FUS: variants seen among roughly 807,000 people sequenced by gnomAD.
The protein encoded by FUS is RNA-binding protein FUS.
A neutral mutation model predicts 82.7 loss-of-function variants in FUS; 5 were observed. That is an observed-to-expected ratio of 0.06 (90% CI 0.03 to 0.13). The LOEUF (loss-of-function observed/expected upper bound fraction) is 0.13, where lower values mean the gene tolerates loss of function less well. FUS is among the 10% of genes least tolerant of loss of function. The pLI, the probability that FUS is intolerant of heterozygous loss-of-function variation, is 1.00. For missense variants in FUS, 512 were observed against 707.8 expected (o/e 0.72, Z 3.14); for synonymous variants, 281 against 247.4 (o/e 1.14, Z -1.27).
chr16:31,188,431 A>G (rs2079304038), intron 8 of FUS, 74 bp downstream of exon 8: 7 of 1,519,746 alleles, frequency 4.6e-6, no homozygotes, highest in Non-Finnish European at 6.4e-6. Context: ...CTTTGAAACT[A>G]TTATAAAAAG....
At position 31,184,310 on chromosome 16, in the gene FUS, A is replaced by G. The variant is rs746588553; in HGVS notation, c.437A>G (p.Gln146Arg). Residue 146 changes from glutamine (Q) to arginine (R), a missense_variant, in exon 5 of 15, where the codon CAG (glutamine) becomes CGG (arginine). Gln to Arg is a conservative substitution (Grantham distance 43, BLOSUM62 1). Transcript: ENST00000254108. ...YGGQQQSYGQQQSYNPPQGYG... is the reference protein window; with the variant it reads ...YGGQQQSYGQRQSYNPPQGYG... ...GGACAGCAGCAAAGCTATGGACAGC[A>G]GCAAAGCTATAATCCCCCTCAGGGC... is the stretch of plus-strand genomic sequence containing the variant. 6.2e-7 allele frequency: 1 copy of G among 1,614,150 alleles called. No homozygotes were observed. The highest frequency in any genetic ancestry group is 1.1e-5 in the South Asian group (1 of 91,082).
At chr16:31,188,442 G>A in intron 8 of FUS, 85 bp downstream of exon 8, 25 of 1,447,394 alleles carry the variant, frequency 1.7e-5, no homozygotes, top group Middle Eastern at 1.8e-4. Flanking sequence ...TTATAAAAAG[G>A]AAACTGAAAA....
downstream of FUS, chr16:31,193,329 C>G: frequency 1.9e-6 from 1 of 523,140 alleles, no homozygotes; most frequent in South Asian, 1.5e-5. Context: ...AGTGGGCCTT[C>G]CCAGGCATTG....
intron 5 of FUS, 97 bp from the exon 6 acceptor site, chr16:31,184,842 T>G: frequency 8.0e-7 from 1 of 1,249,700 alleles, no homozygotes; most frequent in Non-Finnish European, 1.2e-6. Flanking sequence ...TCTTTTGTCC[T>G]TCATTGCCTG....
chr16:31,182,249 C>T (rs749241059), intron 1 of FUS, 149 bp from the exon 2 acceptor site: 2 of 942,032 alleles, frequency 2.1e-6, no homozygotes, highest in African/African-American at 3.3e-5. Context: ...CCTCGGCCTC[C>T]CAAACTGCTG....
In FUS at chr16:31,190,005, ATT is replaced by A. The variant is rs1462904241; in HGVS notation, c.1067-33_1067-32del. 2.5e-6 allele frequency: 4 copies of A among 1,587,344 alleles called. No homozygotes were observed. The Middle Eastern group carries it at 6.8e-4, about 272-fold the overall frequency. On this transcript the variant is annotated intron_variant, in intron 10 of 14. Transcript: ENST00000254108. ...GTATTTTCGGATTAATGTGTCTTGC[ATT>A]TAAAGTCTGTTGATGATTTTTTGTT...
chr16:31,188,174 T>G (rs1483753533), intron 7 of FUS, 151 bp from the exon 8 acceptor site: 5 of 798,720 alleles, frequency 6.3e-6, no homozygotes, highest in Non-Finnish European at 1.0e-5. Flanking sequence ...CAGGAAAGGG[T>G]TTGGAGTGAG....
At chr16:31,184,572 T>C (rs2079233556) in intron 5 of FUS, among the ~76,000 whole-genome samples, 176 bp downstream of exon 5, 1 of 151,766 alleles carries the variant, frequency 6.6e-6, no homozygotes, top group South Asian at 2.1e-4. Flanking sequence ...GCCTCCCGAG[T>C]AGCTGGGACT....
At chr16:31,184,821 TC>T (rs2079238350) in intron 5 of FUS, 117 bp from the exon 6 acceptor site, 7 of 489,124 alleles carry the variant, frequency 1.4e-5, no homozygotes, top group Admixed American at 4.8e-5. Context: ...TTCCTAGCTG[TC>T]TTTTTACTTT....
At chr16:31,190,469 G>C in intron 12 of FUS, 71 bp downstream of exon 12, 1 of 1,605,690 alleles carries the variant, frequency 6.2e-7, no homozygotes, top group East Asian at 2.2e-5. Flanking sequence ...ACTGAGGTAT[G>C]TGCGTGTTTT....
In FUS at chr16:31,180,223, A is replaced by G. The variant is rs890291931; in HGVS notation, c.9A>G (p.Ser3=). MA[S]NDYTQQATQS... is the part of the protein sequence containing the mutation. The stretch of plus-strand genomic sequence containing the variant: ...TGCGCGCGTGCGCGGACATGGCCTC[A>G]AACGGTAGGTAAGGGCGCGAGGCGA... Residue 3 remains serine (S), a synonymous_variant, in exon 1 of 15, where the codon TCA becomes TCG. Coordinates refer to ENST00000254108, the MANE Select transcript of FUS (RefSeq NM_004960.4). The G allele has an allele frequency of 4.3e-6, 7 of 1,611,006 alleles. No homozygotes were observed. The highest frequency in any genetic ancestry group is 5.9e-6 in the Non-Finnish European group (7 of 1,178,738).
At chr16:31,194,548 G>A (rs1299289075), downstream of FUS, 2 of 498,850 alleles carry the variant, frequency 4.0e-6, no homozygotes, top group East Asian at 4.5e-5. Context: ...TCAAGTGATT[G>A]TCCCACTTTG....
chr16:31,186,542 AT>A, intron 6 of FUS: 14 of 554,896 alleles, frequency 2.5e-5, no homozygotes, highest in African/African-American at 3.8e-5. Flanking sequence ...AAAATGGGTT[AT>A]TTTTTTTCCA....
intron 8 of FUS, chr16:31,188,781 T>C: frequency 2.1e-6 from 1 of 468,504 alleles, no homozygotes; most frequent in Non-Finnish European, 3.8e-6. Flanking sequence ...TAGATTTGAA[T>C]GTAAAATGGG....
At chr16:31,185,280 T>C (rs2079251152) in intron 6 of FUS, 101 bp downstream of exon 6, 1 of 1,362,082 alleles carries the variant, frequency 7.3e-7, no homozygotes, top group Non-Finnish European at 9.9e-7. Flanking sequence ...AGTATTCTTG[T>C]TGTCTAGGGA....
At chr16:31,192,432 C>T, downstream of FUS, 2 of 523,142 alleles carry the variant, frequency 3.8e-6, no homozygotes, top group Non-Finnish European at 7.4e-6. Flanking sequence ...CAGAGCGTAA[C>T]ATTAACCCAA....
intron 1 of FUS, among the ~76,000 whole-genome samples, chr16:31,181,415 G>A (rs892776549): frequency 6.6e-6 from 1 of 152,142 alleles, no homozygotes; most frequent in African/African-American, 2.4e-5. Flanking sequence ...GGAAGGCAGG[G>A]TAGGTGAGAA....
chr16:31,190,801 A>G lies in FUS; in HGVS notation c.1352A>G (p.Lys451Arg). The G allele has an allele frequency of 6.2e-7, 1 of 1,614,198 alleles. No individual in the cohort carries two copies. The stretch of plus-strand genomic sequence containing the variant: ...GAATGCAACCAGTGTAAGGCCCCTA[A>G]ACCAGATGGCCCAGGAGGGGGACCA... Reference protein sequence around the residue: ...RNECNQCKAPKPDGPGGGPGG... With the variant: ...RNECNQCKAPRPDGPGGGPGG... Residue 451 changes from lysine (K) to arginine (R), a missense_variant, in exon 13 of 15, where the codon AAA becomes AGA. Transcript: ENST00000254108.
Position 31,180,191 on chromosome 16 carries a change from T to TTGCC in FUS, c.-21_-18dup, listed in dbSNP as rs2058033294. The stretch of plus-strand genomic sequence containing the variant: ...GCGGTGTTGGAACTTCGTTGCTTGC[T>TTGCC]TGCCTGTGCGCGCGTGCGCGGACAT... On this transcript the variant is annotated 5_prime_UTR_variant, in exon 1 of 15. Transcript: ENST00000254108. The TTGCC allele has an allele frequency of 6.2e-7, 1 of 1,610,310 alleles. No homozygotes were observed. The highest frequency in any genetic ancestry group is 1.3e-5 in the African/African-American group (1 of 75,032).
Sources: gnomAD v4.1 joint callset for allele counts (sites outside exome capture counted in the v4.1 genomes callset) on GRCh38, gnomAD v4.1.1 for gene constraint, MANE v1.5 for transcripts, NCBI Gene and HGNC (gene_info 2026-07-23, HGNC 2026-07-21) for gene names.